The following TRRAP variants were observed in gnomAD, a reference collection of about 807,000 sequenced individuals.
The protein encoded by TRRAP is transformation/transcription domain associated protein, also known as transformation/transcription domain-associated protein.
In TRRAP, 41 loss-of-function variants were observed where a neutral mutation model predicts 438.8. That is an observed-to-expected ratio of 0.09 (90% confidence interval 0.07 to 0.12). The LOEUF (loss-of-function observed/expected upper bound fraction) is 0.12. Ranked by LOEUF, TRRAP falls within the 10% of genes least tolerant of loss-of-function variation. TRRAP has a pLI of 1.00. For synonymous variants in TRRAP, 1,994 were observed against 1,962.9 expected, an observed-to-expected ratio of 1.02 and a Z score of -0.42; for missense variants, 3,122 against 5,055.1, an observed-to-expected ratio of 0.62 and a Z score of 11.60.
In TRRAP at chr7:99,005,464, G is replaced by T; in HGVS notation, c.10753+116G>T. On this transcript the variant is annotated intron_variant, in intron 69 of 72. Transcript: ENST00000456197. The surrounding 1 kb of genome is among the most constrained non-coding windows in gnomAD (Gnocchi z 5.1). ...CGTTAGCCTTTGAGGGTCCAGCTGC[G>T]TCAGCAGAGAATGTTGTAGTCTGTG... 1.0e-6 allele frequency: 1 copy of T among 967,336 alleles called. No individual in the cohort carries two copies. 59.9% of individuals were successfully genotyped at this position (967,336 alleles called of 1,614,324 possible).
At chr7:98,992,273 T>G in intron 65 of TRRAP, 46 bp downstream of exon 65, 1 of 1,597,092 alleles carries the variant, frequency 6.3e-7, no homozygotes, top group Non-Finnish European at 8.6e-7. Flanking sequence ...AAGGGCTCAT[T>G]CCAGGGGGTG....
intron 21 of TRRAP, among the ~76,000 whole-genome samples, chr7:98,923,136 T>C (rs782327163): frequency 1.3e-5 from 2 of 152,160 alleles, no homozygotes; most frequent in Non-Finnish European, 2.9e-5. Flanking sequence ...CCACATACTT[T>C]CCAAATGAAT....
In TRRAP at chr7:98,908,811, A is replaced by T; in HGVS notation, c.1199A>T (p.Gln400Leu). ...CTCAGCGACCTCTCCCTCGCCGTCC[A>T]GCTCTTCGCCAAGAACATCGACGAT... ...LPLSDLSLAVQLFAKNIDDES... is the reference protein window; with the variant it reads ...LPLSDLSLAVLLFAKNIDDES... Residue 400 changes from glutamine to leucine, a missense_variant, in exon 14 of 73, where the codon CAG becomes CTG. Physicochemically the swap from Gln to Leu is moderately radical, Grantham distance 113. Coordinates refer to ENST00000456197, the MANE Select transcript of TRRAP (RefSeq NM_001375524.1). This position sits in a 1 kb window ranked among gnomAD's most constrained non-coding sequence, Gnocchi z 4.1. The T allele has an allele frequency of 6.2e-7, 1 of 1,609,538 alleles. No individual in the cohort carries two copies. Among genetic ancestry groups the T allele is most frequent in the South Asian group, 1.1e-5 (1 of 89,988 alleles).
chr7:98,947,987 C>T (rs1554417287), intron 33 of TRRAP, among the ~76,000 whole-genome samples: 1 of 152,192 alleles, frequency 6.6e-6, no homozygotes, highest in East Asian at 1.9e-4. Flanking sequence ...CCGTCGGCCC[C>T]TCCACACCCC....
rs150196540 is a variant in TRRAP at position 98,897,933 on chromosome 7, A to AT, written c.633+76dup. 6.1e-3 allele frequency: 9,592 copies of AT among 1,569,330 alleles called. 377 individuals carry two copies. The African/African-American group carries it at 0.1, about 17-fold the overall frequency. ...GTTTCGGATACTGGCCTGTTAAACC[A>AT]TTTTTTTTTCTCTTAAATACTTGGA... On this transcript the variant is annotated intron_variant, in intron 8 of 72. Coordinates refer to ENST00000456197, the MANE Select transcript of TRRAP (RefSeq NM_001375524.1).
intron 31 of TRRAP, among the ~76,000 whole-genome samples, chr7:98,944,837 C>T (rs1790971333): frequency 6.6e-6 from 1 of 152,108 alleles, no homozygotes; most frequent in African/African-American, 2.4e-5. Context: ...GAGACGGAGC[C>T]TCTGTCACCC....
chr7:98,904,540 C>G (rs187653814), intron 12 of TRRAP, among the ~76,000 whole-genome samples: 2 of 151,796 alleles, frequency 1.3e-5, no homozygotes, highest in Admixed American at 1.3e-4. Flanking sequence ...TCACCTCCTT[C>G]CCGTTACTGT....
chr7:98,882,205 G>C (rs1287842176), intron 3 of TRRAP, among the ~76,000 whole-genome samples, 181 bp downstream of exon 3: 1 of 152,132 alleles, frequency 6.6e-6, no homozygotes, highest in African/African-American at 2.4e-5. Context: ...CTTCACGCTG[G>C]TGATAGCGAA....
Position 98,953,395 on chromosome 7 carries a change from A to G in TRRAP, c.5692A>G (p.Ile1898Val). 4 of 1,613,250 alleles carry G rather than the reference A, an allele frequency of 2.5e-6. No individual in the cohort carries two copies. The highest frequency in any genetic ancestry group is 3.4e-6 in the Non-Finnish European group (4 of 1,180,020). Reference sequence around the variant, plus strand: ...CGGACACTTGCTCCTGGCGCACATTATCGCCAAATTCGCCATACACAAGAA... The same window carrying G: ...CGGACACTTGCTCCTGGCGCACATTGTCGCCAAATTCGCCATACACAAGAA... ...YSGHLLLAHI[I>V]AKFAIHKKIV... The change falls in exon 40 of 73, where the codon ATC becomes GTC. Residue 1898 changes from isoleucine to valine, a missense_variant. By Grantham distance (29) the Ile-to-Val change is conservative. Transcript: ENST00000456197.
chr7:98,929,299 G>A (rs1790215278), intron 23 of TRRAP, among the ~76,000 whole-genome samples: 1 of 152,122 alleles, frequency 6.6e-6, no homozygotes, highest in Non-Finnish European at 1.5e-5. Flanking sequence ...TGTTGCTCAG[G>A]CTGGTCTTGA....
intron 48 of TRRAP, among the ~76,000 whole-genome samples, chr7:98,965,090 G>A (rs2116682465): frequency 6.6e-6 from 1 of 152,360 alleles, no homozygotes; most frequent in Middle Eastern, 3.4e-3. Flanking sequence ...AATATCCACT[G>A]CACTCAGTCT....
At chr7:98,902,319 T>C (rs1229643420) in intron 11 of TRRAP, among the ~76,000 whole-genome samples, 4 of 152,226 alleles carry the variant, frequency 2.6e-5, no homozygotes, top group Admixed American at 1.3e-4. Flanking sequence ...ATTTAAATCA[T>C]GAGAACTTGA....
chr7:98,937,570 T>A (rs1790614172), intron 29 of TRRAP, 80 bp from the exon 30 acceptor site: 1 of 1,414,896 alleles, frequency 7.1e-7, no homozygotes, highest in Non-Finnish European at 9.4e-7. Flanking sequence ...AACTTGCAGC[T>A]AAGGTTGAAG....
chr7:98,925,399 C>T (rs782533269), intron 22 of TRRAP, 136 bp downstream of exon 22: 3 of 1,263,878 alleles, frequency 2.4e-6, no homozygotes, highest in Non-Finnish European at 2.2e-6. Context: ...TCTACCTACT[C>T]CTTCTTGTTG....
chr7:98,966,744 G>T (rs1351409847), intron 49 of TRRAP, among the ~76,000 whole-genome samples: 3 of 151,720 alleles, frequency 2.0e-5, no homozygotes, highest in African/African-American at 7.3e-5. Flanking sequence ...ATAAAGATAA[G>T]ACAAATAATA....
At chr7:98,978,428 T>C (rs1031783725) in intron 57 of TRRAP, 105 bp downstream of exon 57, 2 of 1,041,908 alleles carry the variant, frequency 1.9e-6, no homozygotes, top group Non-Finnish European at 2.9e-6. Context: ...AAAGCTTTGC[T>C]ACTTTATGGC....
intron 18 of TRRAP, among the ~76,000 whole-genome samples, chr7:98,915,380 C>T (rs549659162): frequency 2.0e-5 from 3 of 152,062 alleles, no homozygotes; most frequent in South Asian, 2.1e-4. Flanking sequence ...TTAGTAGAGA[C>T]GGGGTTTCAC....
intron 3 of TRRAP, among the ~76,000 whole-genome samples, chr7:98,886,434 A>G (rs1795709810): frequency 6.6e-6 from 1 of 151,950 alleles, no homozygotes; most frequent in Non-Finnish European, 1.5e-5. Context: ...ATCTAGAGAG[A>G]TATAGATATC....
At chr7:98,947,652 C>T (rs1201957501) in intron 33 of TRRAP, among the ~76,000 whole-genome samples, 5 of 152,206 alleles carry the variant, frequency 3.3e-5, no homozygotes, top group South Asian at 4.1e-4. Context: ...GACGGGGTTT[C>T]GCCATGTTGG....
Sources: gnomAD v4.1 joint callset for allele counts (sites outside exome capture counted in the v4.1 genomes callset) on GRCh38, gnomAD v4.1.1 for gene constraint, Gnocchi (gnomAD v3.1) non-coding constraint, MANE v1.5 for transcripts, NCBI Gene and HGNC (gene_info 2026-07-23, HGNC 2026-07-21) for gene names.